Variants in KHDC1 observed in about 807,000 individuals in gnomAD.
The protein encoded by KHDC1 is KH homology domain-containing protein 1.
Under a neutral mutation model 24.7 loss-of-function variants are expected in KHDC1, and 21 were observed. The ratio of observed to expected loss-of-function variants is 0.85; its 90% CI spans 0.60 to 1.23. The LOEUF (loss-of-function observed/expected upper bound fraction) is 1.23, where lower values mean the gene tolerates loss of function less well. KHDC1 is among the 50% of genes most tolerant of loss of function. KHDC1 has a pLI of 0.00. For missense variants in KHDC1, 274 were observed against 298.5 expected (o/e 0.92, Z 0.61); for synonymous variants, 98 against 111.7 (o/e 0.88, Z 0.77).
intron 2 of KHDC1, among the ~76,000 whole-genome samples, chr6:73,251,577 T>C (rs1766777034): frequency 6.6e-6 from 1 of 152,148 alleles, no homozygotes; most frequent in Non-Finnish European, 1.5e-5. Context: ...AATTTTTAAG[T>C]ATCACTGTCT....
At chr6:73,269,008 C>A (rs191030412) in intron 2 of KHDC1, 208 of 154,526 alleles carry the variant, frequency 1.3e-3, no homozygotes, top group Non-Finnish European at 2.2e-3. Flanking sequence ...AGTTCCCGAG[C>A]CCTTGCCCCG....
chr6:73,283,370 CTATTT>C (rs1333729592), intron 2 of KHDC1, among the ~76,000 whole-genome samples: 1 of 151,460 alleles, frequency 6.6e-6, no homozygotes, highest in Non-Finnish European at 1.5e-5. Context: ...TTTGTTTATC[CTATTT>C]TGTTTCTTAT....
chr6:73,254,677 C>T (rs1204524705), intron 2 of KHDC1, among the ~76,000 whole-genome samples: 5 of 151,886 alleles, frequency 3.3e-5, no homozygotes, highest in African/African-American at 1.2e-4. Flanking sequence ...GTGTATTTAT[C>T]TGAGAACTAA....
intron 2 of KHDC1, among the ~76,000 whole-genome samples, chr6:73,244,695 G>A (rs1472038846): frequency 5.7e-5 from 8 of 140,078 alleles, no homozygotes; most frequent in South Asian, 5.0e-4. Context: ...GGAGGTGGGC[G>A]GGGGGGCGGG....
At chr6:73,285,141 G>A (rs958073690) in intron 2 of KHDC1, among the ~76,000 whole-genome samples, 1 of 152,080 alleles carries the variant, frequency 6.6e-6, no homozygotes, top group Middle Eastern at 3.2e-3. Context: ...CACCCAGCGT[G>A]TCTGTTACTT....
Position 73,297,434 on chromosome 6 carries a change from C to G in KHDC1, c.164-5394G>C, listed in dbSNP as rs181624804. ...CATGAATATTTAGTTTGTATGCTAT[C>G]TTTTGCCTTTGTCAGTAATGCTGTT... On this transcript the variant is annotated intron_variant, in intron 1 of 4. Transcript: ENST00000370384. Among the ~76,000 whole-genome samples, 9 of 152,176 alleles carry G rather than the reference C, an allele frequency of 5.9e-5. No individual in the cohort carries two copies. The East Asian group carries it at 1.7e-3, about 29-fold the overall frequency.
chr6:73,242,635 C>T (rs910077506), intron 2 of KHDC1, 105 bp from the exon 2 acceptor site: 21 of 1,411,490 alleles, frequency 1.5e-5, no homozygotes, highest in East Asian at 2.4e-5. Flanking sequence ...AACAACCTGC[C>T]CCTTGAACTA....
At chr6:73,253,323 A>C (rs976935038) in intron 2 of KHDC1, among the ~76,000 whole-genome samples, 2 of 151,946 alleles carry the variant, frequency 1.3e-5, no homozygotes, top group Admixed American at 6.6e-5. Context: ...TGGGAGGCCG[A>C]GGGGGGTGGA....
chr6:73,258,171 C>T (rs570675884), intron 2 of KHDC1, among the ~76,000 whole-genome samples: 6 of 152,346 alleles, frequency 3.9e-5, no homozygotes, highest in African/African-American at 1.4e-4. Flanking sequence ...AGGAGAATCA[C>T]TTGAATCCGG....
At chr6:73,304,386 T>C (rs1767925655) in intron 1 of KHDC1, among the ~76,000 whole-genome samples, 1 of 152,178 alleles carries the variant, frequency 6.6e-6, no homozygotes, top group African/African-American at 2.4e-5. Context: ...ATATAAAATA[T>C]GCATATATTA....
exon 4 of KHDC1, chr6:73,242,147 C>A (rs372741660): frequency 6.2e-7 from 1 of 1,614,126 alleles, no homozygotes; most frequent in East Asian, 2.2e-5. Flanking sequence ...TACAGTCACA[C>A]GAGTCTGGCC....
chr6:73,293,372 T>C (rs1767694985), intron 1 of KHDC1: 1 of 439,406 alleles, frequency 2.3e-6, no homozygotes, highest in African/African-American at 2.0e-5. Flanking sequence ...GGAAACAACA[T>C]ATTGAGTGTA....
intron 1 of KHDC1, among the ~76,000 whole-genome samples, chr6:73,306,664 TG>T (rs1767968670): frequency 7.4e-6 from 1 of 134,814 alleles, no homozygotes; most frequent in Non-Finnish European, 1.6e-5. Flanking sequence ...TAGCTTGGGG[TG>T]GGGGTTGGTG....
intron 2 of KHDC1, among the ~76,000 whole-genome samples, chr6:73,263,714 A>T (rs898087623): frequency 4.6e-5 from 7 of 151,924 alleles, no homozygotes; most frequent in Non-Finnish European, 1.5e-5. Context: ...TGTATTTGAG[A>T]TCCCATCTGC....
intron 2 of KHDC1, among the ~76,000 whole-genome samples, chr6:73,286,129 TC>T (rs1304531580): frequency 6.6e-6 from 1 of 152,266 alleles, no homozygotes; most frequent in East Asian, 1.9e-4. Context: ...CTACACCCAT[TC>T]CCAGCCTTAT....
chr6:73,280,838 C>T (rs958870884), intron 2 of KHDC1, among the ~76,000 whole-genome samples: 2 of 151,616 alleles, frequency 1.3e-5, no homozygotes, highest in Non-Finnish European at 2.9e-5. Context: ...TTTTTAATAG[C>T]TTTTTAAATC....
intron 2 of KHDC1, among the ~76,000 whole-genome samples, chr6:73,271,942 G>C (rs1224506965): frequency 1.3e-5 from 2 of 151,564 alleles, no homozygotes; most frequent in Non-Finnish European, 2.9e-5. Context: ...CTGACAGATG[G>C]GGATGTCCTT....
At chr6:73,263,052 G>A (rs1289485999) in intron 2 of KHDC1, 12 of 787,036 alleles carry the variant, frequency 1.5e-5, no homozygotes, top group Admixed American at 1.4e-4. Context: ...CGGCGGCGGC[G>A]GCGGCGGCGG....
intron 2 of KHDC1, chr6:73,291,368 A>C (rs766737786): frequency 5.0e-5 from 10 of 200,680 alleles, no homozygotes; most frequent in Non-Finnish European, 7.2e-5. Context: ...GCAATGTTTA[A>C]GTAACATCTG....
Sources: gnomAD v4.1 joint callset for allele counts (sites outside exome capture counted in the v4.1 genomes callset) on GRCh38, gnomAD v4.1.1 for gene constraint, MANE v1.5 for transcripts, NCBI Gene and HGNC (gene_info 2026-07-23, HGNC 2026-07-21) for gene names.